The following LRRTM4 variants were observed in gnomAD, a reference collection of about 807,000 sequenced individuals.
The protein encoded by LRRTM4 is leucine rich repeat transmembrane neuronal 4.
A neutral mutation model predicts 47.6 loss-of-function variants in LRRTM4; 25 were observed. The observed-to-expected ratio is 0.53, with a 90% CI of 0.38 to 0.73. The LOEUF (loss-of-function observed/expected upper bound fraction) is 0.73, where lower values mean the gene tolerates loss of function less well. LRRTM4 is among the 30% of genes least tolerant of loss of function. LRRTM4 has a pLI of 0.00. For synonymous variants in LRRTM4, 311 were observed against 269.5 expected (o/e 1.15, Z -1.51); for missense variants, 638 against 713.4 (o/e 0.89, Z 1.20).
chr2:76,771,038 T>A (rs1673679175), intron 3 of LRRTM4, among the ~76,000 whole-genome samples: 1 of 152,198 alleles, frequency 6.6e-6, no homozygotes, highest in South Asian at 2.1e-4. Context: ...CAGTTGTAGA[T>A]GTCTGTTTAA....
intron 3 of LRRTM4, among the ~76,000 whole-genome samples, chr2:77,073,009 G>A (rs957812558): frequency 2.6e-5 from 4 of 151,996 alleles, no homozygotes; most frequent in Admixed American, 1.3e-4. Context: ...AATATCAATA[G>A]CCTCATTGAC....
chr2:77,083,807 TTTTTTTTTTTTTTTTC>T (rs1680614652), intron 3 of LRRTM4, among the ~76,000 whole-genome samples: 1 of 105,500 alleles, frequency 9.5e-6, no homozygotes, highest in African/African-American at 3.5e-5. Flanking sequence ...TTTTTTTTTT[TTTTTTTTTTTTTTTTC>T]AGACGGAGTC....
At chr2:77,459,864 G>A (rs1435978496) in intron 3 of LRRTM4, among the ~76,000 whole-genome samples, 1 of 151,820 alleles carries the variant, frequency 6.6e-6, no homozygotes, top group Admixed American at 6.6e-5. Flanking sequence ...CATTTACGCT[G>A]ATGAAATTTT....
chr2:77,088,561 T>C (rs908995404), intron 3 of LRRTM4, among the ~76,000 whole-genome samples: 6 of 151,934 alleles, frequency 3.9e-5, no homozygotes, highest in Admixed American at 2.0e-4. Flanking sequence ...CCCACCCCTA[T>C]CTCCATTCGC....
At chr2:77,214,855 G>A (rs1200605320) in intron 3 of LRRTM4, among the ~76,000 whole-genome samples, 2 of 152,168 alleles carry the variant, frequency 1.3e-5, no homozygotes, top group East Asian at 3.9e-4. Flanking sequence ...TCCTAAAAAG[G>A]CAGTTCTCTC....
intron 3 of LRRTM4, among the ~76,000 whole-genome samples, chr2:76,836,614 T>C (rs1438998553): frequency 6.6e-6 from 1 of 152,086 alleles, no homozygotes. Flanking sequence ...CTACATGCTT[T>C]ATGTAAATAT....
intron 3 of LRRTM4, among the ~76,000 whole-genome samples, chr2:77,108,666 C>T (rs984499159): frequency 6.7e-6 from 1 of 150,330 alleles, no homozygotes; most frequent in Admixed American, 6.6e-5. Context: ...TCACTGCAAG[C>T]TCCGCCTCCC....
chr2:77,325,056 T>A (rs2104236149), intron 3 of LRRTM4, among the ~76,000 whole-genome samples: 1 of 152,300 alleles, frequency 6.6e-6, no homozygotes, highest in Admixed American at 6.5e-5. Flanking sequence ...ACTATTTAGT[T>A]GTTTGCTTGG....
intron 3 of LRRTM4, among the ~76,000 whole-genome samples, chr2:77,451,100 A>G (rs1241767462): frequency 1.3e-5 from 2 of 152,114 alleles, no homozygotes; most frequent in African/African-American, 2.4e-5. Flanking sequence ...TTATTATTCA[A>G]TTCCAGTCAG....
chr2:77,381,839 T>C (rs1490518228), intron 3 of LRRTM4, among the ~76,000 whole-genome samples: 3 of 152,200 alleles, frequency 2.0e-5, no homozygotes, highest in African/African-American at 7.2e-5. Context: ...TCTTATATCC[T>C]TATGACAGGA....
chr2:77,365,111 G>A (rs1266552871), intron 3 of LRRTM4, among the ~76,000 whole-genome samples: 5 of 151,970 alleles, frequency 3.3e-5, no homozygotes, highest in Non-Finnish European at 7.4e-5. Context: ...AATAATAAAA[G>A]AGTAACATCT....
intron 3 of LRRTM4, among the ~76,000 whole-genome samples, chr2:77,096,876 C>T (rs1670826939): frequency 1.3e-5 from 2 of 151,668 alleles, no homozygotes; most frequent in South Asian, 4.2e-4. Flanking sequence ...GATATATCAG[C>T]TATCAACTTA....
intron 3 of LRRTM4, among the ~76,000 whole-genome samples, chr2:77,331,886 T>A (rs1670983952): frequency 6.6e-6 from 1 of 152,056 alleles, no homozygotes; most frequent in Admixed American, 6.5e-5. Flanking sequence ...GATAGTTCCC[T>A]AAAGAAAAAA....
chr2:77,298,439 G>C (rs1677035471), intron 3 of LRRTM4, among the ~76,000 whole-genome samples: 1 of 152,062 alleles, frequency 6.6e-6, no homozygotes, highest in African/African-American at 2.4e-5. Context: ...GGTGTTCACC[G>C]TGTTAGCCAG....
Position 77,384,053 on chromosome 2 carries a change from C to G in LRRTM4, c.1551+134265G>C, listed in dbSNP as rs931834491. ...ATTTTATTATCACTCTTAATATTTG[C>G]CTTTTGTTAAAAATGAGTTTTATAA... On this transcript the variant is annotated intron_variant, in intron 3 of 3. Coordinates refer to ENST00000409884, the MANE Select transcript of LRRTM4 (RefSeq NM_001134745.3). Among the ~76,000 whole-genome samples the G allele has an allele frequency of 3.3e-5, 5 of 151,984 alleles. No homozygotes were observed. The East Asian group carries it at 9.7e-4, about 29-fold the overall frequency.
intron 3 of LRRTM4, among the ~76,000 whole-genome samples, chr2:77,182,376 A>T (rs1673372428): frequency 6.6e-6 from 1 of 152,112 alleles, no homozygotes. Flanking sequence ...TTGAACAATG[A>T]GAACACATGG....
chr2:76,839,951 T>C (rs1267233750), intron 3 of LRRTM4, among the ~76,000 whole-genome samples: 3 of 152,148 alleles, frequency 2.0e-5, no homozygotes, highest in Admixed American at 6.6e-5. Flanking sequence ...GTGAGAATTA[T>C]TGGGTGTCTC....
intron 3 of LRRTM4, among the ~76,000 whole-genome samples, chr2:76,948,993 G>T (rs1244579947): frequency 6.6e-6 from 1 of 151,836 alleles, no homozygotes; most frequent in Non-Finnish European, 1.5e-5. Flanking sequence ...AGCCATATTT[G>T]TTTTAAATGA....
chr2:77,327,452 A>G (rs1169497715), intron 3 of LRRTM4, among the ~76,000 whole-genome samples: 1 of 152,228 alleles, frequency 6.6e-6, no homozygotes, highest in East Asian at 1.9e-4. Context: ...TTGGCCATGT[A>G]TAATAAAGAT....
Sources: gnomAD v4.1 joint callset for allele counts (sites outside exome capture counted in the v4.1 genomes callset) on GRCh38, gnomAD v4.1.1 for gene constraint, MANE v1.5 for transcripts, NCBI Gene and HGNC (gene_info 2026-07-23, HGNC 2026-07-21) for gene names.